The following COL21A1 variants were observed in gnomAD, a reference collection of about 807,000 sequenced individuals.
COL21A1 encodes collagen alpha-1(XXI) chain.
A neutral mutation model predicts 137.9 loss-of-function variants in COL21A1; 149 were observed. The observed-to-expected ratio is 1.08, with a 90% confidence interval of 0.95 to 1.24. The LOEUF (loss-of-function observed/expected upper bound fraction) is 1.24. COL21A1 is among the 50% of genes most tolerant of loss of function. The probability of loss-of-function intolerance (pLI) is 0.00; values close to 1 mark genes in which losing one functional copy is unlikely to be tolerated. For synonymous variants in COL21A1, 456 were observed against 391.5 expected, an observed-to-expected ratio of 1.16 and a Z score of -1.95; for missense variants, 1,167 against 1,158.4, an observed-to-expected ratio of 1.01 and a Z score of -0.11.
chr6:56,168,344 T>A, intron 5 of COL21A1, 47 bp from the exon 6 acceptor site: 1 of 1,410,348 alleles, frequency 7.1e-7, no homozygotes, highest in African/African-American at 1.4e-5. Flanking sequence ...CCCCTAACAA[T>A]ATTTTATTTT....
intron 1 of COL21A1, among the ~76,000 whole-genome samples, chr6:56,245,453 T>A (rs1009384763): frequency 2.0e-5 from 3 of 152,234 alleles, no homozygotes; most frequent in African/African-American, 7.2e-5. Flanking sequence ...GTGCAGTTGG[T>A]ATTTAAATAA....
chr6:56,194,086 C>A (rs1449130490), intron 1 of COL21A1, among the ~76,000 whole-genome samples: 1 of 152,138 alleles, frequency 6.6e-6, no homozygotes, highest in African/African-American at 2.4e-5. Flanking sequence ...TTTATGGTAA[C>A]AACATGTCCT....
Position 56,067,324 on chromosome 6 carries a change from T to C in COL21A1, c.2098A>G (p.Lys700Glu). ...LPGIQGKKGD[K>E]GNQGEKGIQG... ...ATACCTTTTTCACCTTGATTTCCTTTGTCCCCCTACAAAAAGGCAGTTTGA... is the reference window on the plus strand; with the variant it reads ...ATACCTTTTTCACCTTGATTTCCTTCGTCCCCCTACAAAAAGGCAGTTTGA... The change falls in exon 23 of 30, where the codon AAA (lysine) becomes GAA (glutamate). Residue 700 changes from lysine (K) to glutamate (E), a missense_variant. Physicochemically the swap from Lys to Glu is moderately conservative, Grantham distance 56. Coordinates refer to ENST00000244728, the MANE Select transcript of COL21A1 (RefSeq NM_030820.4). 1 of 1,608,940 alleles carries C rather than the reference T, an allele frequency of 6.2e-7. No individual in the cohort carries two copies. Among genetic ancestry groups the C allele is most frequent in the Non-Finnish European group, 8.5e-7 (1 of 1,176,706 alleles).
At chr6:56,078,515 A>G (rs1441770481) in intron 17 of COL21A1, among the ~76,000 whole-genome samples, 1 of 151,672 alleles carries the variant, frequency 6.6e-6, no homozygotes, top group Non-Finnish European at 1.5e-5. Flanking sequence ...AAAGGAAAGC[A>G]GTACTCTTCA....
At chr6:56,290,896 T>G (rs913028722) in intron 1 of COL21A1, among the ~76,000 whole-genome samples, 10 of 152,172 alleles carry the variant, frequency 6.6e-5, no homozygotes, top group East Asian at 5.8e-4. Context: ...GCCATTCCTA[T>G]TTGCCTAAAG....
chr6:56,298,020 A>T (rs750960173), intron 1 of COL21A1, among the ~76,000 whole-genome samples: 1 of 151,910 alleles, frequency 6.6e-6, no homozygotes, highest in Non-Finnish European at 1.5e-5. Flanking sequence ...AACACTTAAG[A>T]GTTGTGTCAG....
At chr6:56,373,014 T>TA (rs758684428) in intron 1 of COL21A1, among the ~76,000 whole-genome samples, 1,487 of 143,284 alleles carry the variant, frequency 0.01, 8 homozygotes, top group Non-Finnish European at 0.013. Flanking sequence ...GAAAGCAAAA[T>TA]AAAAAAAAAA....
At chr6:56,352,367 G>A (rs536486934) in intron 1 of COL21A1, among the ~76,000 whole-genome samples, 137 of 152,088 alleles carry the variant, frequency 9.0e-4, no homozygotes, top group African/African-American at 3.0e-3. Flanking sequence ...GAGTGGCAAA[G>A]GAAGGTTTCC....
intron 16 of COL21A1, among the ~76,000 whole-genome samples, chr6:56,122,034 C>T (rs929906987): frequency 6.6e-6 from 1 of 151,820 alleles, no homozygotes; most frequent in Non-Finnish European, 1.5e-5. Context: ...AATGTTGAAC[C>T]AAGTGATATA....
intron 9 of COL21A1, among the ~76,000 whole-genome samples, chr6:56,163,437 G>A (rs112724587): frequency 0.031 from 4,658 of 152,232 alleles, 139 homozygotes; most frequent in African/African-American, 0.063. Context: ...TTTGCTGGGC[G>A]CGGTGGCTCA....
intron 1 of COL21A1, among the ~76,000 whole-genome samples, chr6:56,363,793 T>A (rs1031117208): frequency 4.3e-4 from 66 of 152,158 alleles, no homozygotes; most frequent in African/African-American, 1.6e-3. Context: ...CCCGACACAT[T>A]CCCAAACAAC....
intron 1 of COL21A1, among the ~76,000 whole-genome samples, chr6:56,272,170 C>T (rs1424491337): frequency 6.6e-6 from 1 of 152,204 alleles, no homozygotes; most frequent in Admixed American, 6.5e-5. Context: ...AGGCTGCAGG[C>T]ACTCAACACC....
At chr6:56,212,617 G>T (rs1255667502) in intron 1 of COL21A1, among the ~76,000 whole-genome samples, 6 of 151,956 alleles carry the variant, frequency 3.9e-5, no homozygotes, top group Admixed American at 2.0e-4. Context: ...GAACCCAAGA[G>T]AAGACCTAGG....
chr6:56,205,454 G>C (rs771366870), intron 1 of COL21A1, among the ~76,000 whole-genome samples: 1 of 152,234 alleles, frequency 6.6e-6, no homozygotes, highest in Non-Finnish European at 1.5e-5. Context: ...GAAAAGAGAT[G>C]AATAAAGCCT....
chr6:56,179,488 A>T, intron 3 of COL21A1, 90 bp downstream of exon 3: 3 of 831,890 alleles, frequency 3.6e-6, no homozygotes, highest in Non-Finnish European at 3.7e-6. Context: ...ATAACAATTT[A>T]CACCAGTGTT....
chr6:56,351,707 T>G (rs917742729), intron 1 of COL21A1, among the ~76,000 whole-genome samples: 3 of 152,222 alleles, frequency 2.0e-5, no homozygotes, highest in Non-Finnish European at 2.9e-5. Context: ...GAGGCAGGCC[T>G]CTTTGAAGTC....
chr6:56,344,897 T>G (rs898413062), intron 1 of COL21A1, among the ~76,000 whole-genome samples: 1 of 152,174 alleles, frequency 6.6e-6, no homozygotes, highest in African/African-American at 2.4e-5. Context: ...CCTAACCATA[T>G]TTCCTGTACA....
chr6:56,128,775 C>A (rs1039909315), intron 12 of COL21A1, among the ~76,000 whole-genome samples: 5 of 152,180 alleles, frequency 3.3e-5, no homozygotes, highest in African/African-American at 9.7e-5. Flanking sequence ...CTGCCTCAGC[C>A]TCCTGAGTAG....
At chr6:56,204,494 G>A (rs1779625765) in intron 1 of COL21A1, among the ~76,000 whole-genome samples, 2 of 152,144 alleles carry the variant, frequency 1.3e-5, no homozygotes, top group Non-Finnish European at 2.9e-5. Context: ...GGTCTGATAA[G>A]ATAAAACTCC....
Sources: allele counts gnomAD v4.1 joint callset (sites outside exome capture counted in the v4.1 genomes callset), GRCh38; gene constraint gnomAD v4.1.1; transcripts MANE v1.5; gene names NCBI Gene and HGNC (gene_info 2026-07-23, HGNC 2026-07-21).